GLB1L3: variants seen among roughly 807,000 people sequenced by gnomAD.
GLB1L3 encodes beta-galactosidase-1-like protein 3.
Under a neutral mutation model 89.5 loss-of-function variants are expected in GLB1L3, and 89 were observed. The ratio of observed to expected loss-of-function variants is 0.99; its 90% confidence interval spans 0.84 to 1.19. GLB1L3 has a LOEUF of 1.19. GLB1L3 is among the 50% of genes most tolerant of loss of function. GLB1L3 has a pLI of 0.00. For missense variants in GLB1L3, 812 were observed against 813.3 expected (o/e 1.00, Z 0.02); for synonymous variants, 314 against 312.3 (o/e 1.01, Z -0.06).
intron 18 of GLB1L3, among the ~76,000 whole-genome samples, chr11:134,315,352 G>A (rs567698519): frequency 6.6e-6 from 1 of 152,262 alleles, no homozygotes; most frequent in South Asian, 2.1e-4. Flanking sequence ...AATGTTTAGG[G>A]ATCTCATAAA....
chr11:134,297,737 G>C (rs1941725008), intron 9 of GLB1L3, among the ~76,000 whole-genome samples: 1 of 151,630 alleles, frequency 6.6e-6, no homozygotes, highest in African/African-American at 2.4e-5. Flanking sequence ...GTGGGTGCCT[G>C]TAATCCCAGT....
chr11:134,324,387 TA>T (rs1943199170), downstream of GLB1L3, among the ~76,000 whole-genome samples: 1 of 152,224 alleles, frequency 6.6e-6, no homozygotes, highest in Non-Finnish European at 1.5e-5. Flanking sequence ...TGGGCAGATT[TA>T]AACAATTCTT....
downstream of GLB1L3, among the ~76,000 whole-genome samples, chr11:134,319,737 T>C (rs1943133375): frequency 7.2e-6 from 1 of 138,726 alleles, no homozygotes; most frequent in South Asian, 2.2e-4. Flanking sequence ...TGTGTGTGTG[T>C]GTGTGTGTGT....
chr11:134,288,952 A>G, intron 7 of GLB1L3, 62 bp downstream of exon 7: 2 of 1,146,286 alleles, frequency 1.7e-6, no homozygotes, highest in Non-Finnish European at 2.6e-6. Context: ...TGCGTTTCTG[A>G]TTCCTGGATG....
rs1297079300 is a variant in GLB1L3, at chr11:134,276,588, CG to C, written c.-150del. The C allele has an allele frequency of 6.0e-6, 4 of 667,436 alleles. No homozygotes were observed. The highest frequency in any genetic ancestry group is 8.4e-6 in the Non-Finnish European group (4 of 474,432). 41.3% of individuals were successfully genotyped at this position (667,436 alleles called of 1,614,324 possible). On this transcript the variant is annotated 5_prime_UTR_variant, in exon 1 of 20. Transcript: ENST00000431683. ...GGACCCGGACCCGGCGCCCGCGCCT[CG>C]GGACGGATTTCTGCCTCGGCTGCAG...
chr11:134,306,705 G>A (rs920965701), intron 9 of GLB1L3, among the ~76,000 whole-genome samples: 19 of 152,230 alleles, frequency 1.2e-4, no homozygotes, highest in African/African-American at 4.1e-4. Context: ...CAGAATCTAC[G>A]TTATTCAGCA....
intron 17 of GLB1L3, 74 bp from the exon 18 acceptor site, chr11:134,314,256 C>T (rs1470238992): frequency 1.9e-6 from 2 of 1,045,058 alleles, no homozygotes; most frequent in Non-Finnish European, 1.4e-6. Context: ...TCGGCCCACG[C>T]CACCTGGGGT....
At chr11:134,306,377 A>G (rs1942205616) in intron 9 of GLB1L3, among the ~76,000 whole-genome samples, 1 of 152,236 alleles carries the variant, frequency 6.6e-6, no homozygotes, top group African/African-American at 2.4e-5. Context: ...TTTTCCACTC[A>G]TCTTTTCTAT....
chr11:134,325,022 TTA>T, the GLB1L3 span, among the ~76,000 whole-genome samples: 1 of 152,168 alleles, frequency 6.6e-6, no homozygotes, highest in Non-Finnish European at 1.5e-5. Context: ...CTTCCCAAAG[TTA>T]TAAAGTTATA....
chr11:134,317,849 A>T (rs1176315981), intron 18 of GLB1L3, among the ~76,000 whole-genome samples: 1 of 152,116 alleles, frequency 6.6e-6, no homozygotes, highest in African/African-American at 2.4e-5. Context: ...TATCTTTCTT[A>T]TGTATGTTGT....
At chr11:134,303,384 T>C (rs901377301) in intron 9 of GLB1L3, among the ~76,000 whole-genome samples, 3 of 152,264 alleles carry the variant, frequency 2.0e-5, no homozygotes, top group Non-Finnish European at 2.9e-5. Context: ...CATCTGATTA[T>C]GTGCCTGCTT....
chr11:134,302,219 C>G (rs1941980863), intron 9 of GLB1L3, among the ~76,000 whole-genome samples: 2 of 152,176 alleles, frequency 1.3e-5, no homozygotes, highest in Admixed American at 6.5e-5. Context: ...AACCCTGTTG[C>G]TTCTGTAGAA....
chr11:134,294,650 C>T (rs1941537120), intron 9 of GLB1L3, among the ~76,000 whole-genome samples: 1 of 152,214 alleles, frequency 6.6e-6, no homozygotes, highest in African/African-American at 2.4e-5. Flanking sequence ...TTAATCCCGT[C>T]TCCAGCCCTG....
intron 12 of GLB1L3, 199 bp from the exon 13 acceptor site, chr11:134,310,865 A>G: frequency 1.6e-6 from 1 of 619,992 alleles, no homozygotes; most frequent in East Asian, 2.7e-5. Flanking sequence ...CAGTTTCTTC[A>G]CTGAAGCATA....
At chr11:134,282,666 G>A (rs929543584) in intron 5 of GLB1L3, among the ~76,000 whole-genome samples, 4 of 152,114 alleles carry the variant, frequency 2.6e-5, no homozygotes, top group African/African-American at 9.7e-5. Flanking sequence ...TCTCCTCTGT[G>A]ATTCTGGCCC....
At chr11:134,305,180 G>C in intron 9 of GLB1L3, 1 of 1,174,126 alleles carries the variant, frequency 8.5e-7, no homozygotes, top group Non-Finnish European at 1.2e-6. Flanking sequence ...CCTCCTTATA[G>C]TTCTTATCTG....
intron 3 of GLB1L3, among the ~76,000 whole-genome samples, chr11:134,278,276 CA>C (rs3832769): frequency 0.13 from 20,005 of 151,458 alleles, 1,520 homozygotes; most frequent in Admixed American, 0.24. Flanking sequence ...GTTTTTAAAA[CA>C]AAAAAAAATT....
In GLB1L3 at chr11:134,314,039, G is replaced by T; in HGVS notation, c.1667+11G>T. 6.3e-7 allele frequency: 1 copy of T among 1,574,808 alleles called. No homozygotes were observed. The highest frequency in any genetic ancestry group is 8.7e-7 in the Non-Finnish European group (1 of 1,146,020). On this transcript the variant is annotated intron_variant, in intron 17 of 19. Coordinates refer to ENST00000431683, the MANE Select transcript of GLB1L3 (RefSeq NM_001080407.3). ...GAGCTTCTTTGAGAGGTATGCTCCA[G>T]CTGGCCCCCAGTGCACACTTCAGTG...
Position 134,319,078 on chromosome 11 carries a change from C to G in GLB1L3, c.*136C>G. On this transcript the variant is annotated 3_prime_UTR_variant, in exon 20 of 20. Transcript: ENST00000431683. Reference sequence around the variant, plus strand: ...CACGCCATTCTCCTGCCTCAGCCTCCCCAGCAGCTGGGACTACAGGTGCAC... The same window carrying G: ...CACGCCATTCTCCTGCCTCAGCCTCGCCAGCAGCTGGGACTACAGGTGCAC... 4 of 652,662 alleles carry G rather than the reference C, an allele frequency of 6.1e-6. No individual in the cohort carries two copies. The South Asian group carries it at 7.3e-5, about 12-fold the overall frequency. 40.4% of individuals were successfully genotyped at this position (652,662 alleles called of 1,614,324 possible).
Sources: gnomAD v4.1 joint callset for allele counts (sites outside exome capture counted in the v4.1 genomes callset) on GRCh38, gnomAD v4.1.1 for gene constraint, MANE v1.5 for transcripts, NCBI Gene and HGNC (gene_info 2026-07-23, HGNC 2026-07-21) for gene names.